ZMYND8: variants seen among roughly 807,000 people sequenced by gnomAD.
The protein encoded by ZMYND8 is zinc finger MYND-type containing 8.
A neutral mutation model predicts 140.8 loss-of-function variants in ZMYND8; 37 were observed. The observed-to-expected ratio is 0.26, with a 90% CI of 0.20 to 0.35. The LOEUF is 0.35. Among genes scored for constraint, ZMYND8 ranks in the 10% least tolerant of loss-of-function variants. The pLI is 1.00. For missense variants in ZMYND8, 1,068 were observed against 1,570.0 expected (o/e 0.68, Z 5.40); for synonymous variants, 592 against 597.1 (o/e 0.99, Z 0.12).
intron 5 of ZMYND8, among the ~76,000 whole-genome samples, chr20:47,294,044 G>A (rs533360024): frequency 1.3e-5 from 2 of 152,194 alleles, no homozygotes; most frequent in South Asian, 2.1e-4. Context: ...GCAGAACTGT[G>A]AGTCAATTAA....
At chr20:47,289,078 T>C (rs4810629) in intron 7 of ZMYND8, among the ~76,000 whole-genome samples, 23,799 of 152,036 alleles carry the variant, frequency 0.16, 1,933 homozygotes, top group African/African-American at 0.21. Flanking sequence ...GTCCAGCCTG[T>C]GCGATTCAGT....
chr20:47,290,414 C>T (rs1601633852), intron 6 of ZMYND8, 140 bp from the exon 7 acceptor site: 1 of 639,050 alleles, frequency 1.6e-6, no homozygotes, highest in South Asian at 2.1e-5. Flanking sequence ...CAAGATGCTT[C>T]TTTTTAACCT....
chr20:47,278,678 A>G (rs2076407187), intron 10 of ZMYND8, among the ~76,000 whole-genome samples: 1 of 152,182 alleles, frequency 6.6e-6, no homozygotes, highest in African/African-American at 2.4e-5. Context: ...GATCTGCTCT[A>G]TCAGAGGGCT....
At chr20:47,341,959 C>T (rs552328341) in intron 2 of ZMYND8, among the ~76,000 whole-genome samples, 18 of 151,112 alleles carry the variant, frequency 1.2e-4, no homozygotes, top group Non-Finnish European at 1.9e-4. Context: ...GCGGAGATCG[C>T]GCCACTGCAC....
chr20:47,280,781 C>T (rs972187411), intron 10 of ZMYND8, among the ~76,000 whole-genome samples: 3 of 152,118 alleles, frequency 2.0e-5, no homozygotes, highest in African/African-American at 7.2e-5. Flanking sequence ...AAATAAAAAA[C>T]AAACTCCTGC....
chr20:47,286,531 G>A (rs1330747569), intron 8 of ZMYND8, among the ~76,000 whole-genome samples: 2 of 152,030 alleles, frequency 1.3e-5, no homozygotes, highest in Non-Finnish European at 2.9e-5. Flanking sequence ...TCTAGATCTA[G>A]ATCTATATAT....
In ZMYND8 at chr20:47,210,618, C is replaced by T. The variant is rs561509419; in HGVS notation, c.*143G>A. The T allele has an allele frequency of 2.9e-5, 40 of 1,371,438 alleles. No individual in the cohort carries two copies. The highest frequency in any genetic ancestry group is 1.6e-4 in the African/African-American group (11 of 69,624). 85.0% of individuals were successfully genotyped at this position (1,371,438 alleles called of 1,614,324 possible). ...GGGTGTCCTGTAGTGTAGCAGCCCCCGCGCCGGGGGCTCAGGCTCAACTGA... is the reference window on the plus strand; with the variant it reads ...GGGTGTCCTGTAGTGTAGCAGCCCCTGCGCCGGGGGCTCAGGCTCAACTGA... On this transcript the variant is annotated 3_prime_UTR_variant, in exon 23 of 23. Transcript: ENST00000471951.
chr20:47,257,474 AAATAC>A (rs2074828883), intron 12 of ZMYND8, among the ~76,000 whole-genome samples: 1 of 151,962 alleles, frequency 6.6e-6, no homozygotes, highest in Non-Finnish European at 1.5e-5. Flanking sequence ...ACACACACGC[AAATAC>A]AACACACACA....
intron 2 of ZMYND8, among the ~76,000 whole-genome samples, chr20:47,324,574 C>T (rs1339138022): frequency 6.6e-6 from 1 of 152,092 alleles, no homozygotes; most frequent in East Asian, 1.9e-4. Flanking sequence ...GCTTAAAACC[C>T]TCAAAGAGCT....
Position 47,252,970 on chromosome 20 carries a change from T to C in ZMYND8, c.1622-3531A>G, listed in dbSNP as rs114277886. ...TAAATATTTCAGGCTTTGCAGGCCA[T>C]ACAGGCTCTGTTGCAAAAGCAGCCA... On this transcript the variant is annotated intron_variant, in intron 12 of 22. Transcript: ENST00000471951. Among the ~76,000 whole-genome samples the C allele has an allele frequency of 8.1e-4, 124 of 152,334 alleles. 2 individuals carry two copies. The highest frequency in any genetic ancestry group is 2.9e-3 in the African/African-American group (122 of 41,582).
intron 2 of ZMYND8, among the ~76,000 whole-genome samples, chr20:47,328,316 A>C (rs1410789787): frequency 1.3e-5 from 2 of 152,138 alleles, no homozygotes; most frequent in Non-Finnish European, 2.9e-5. Context: ...TATAGACAAA[A>C]ACATACCAAA....
chr20:47,310,336 T>G (rs183405795), intron 2 of ZMYND8, 132 bp from the exon 3 acceptor site: 1 of 1,037,824 alleles, frequency 9.6e-7, no homozygotes, highest in East Asian at 2.5e-5. Flanking sequence ...CACTTCAGTG[T>G]TCCTCCTCCC....
intron 2 of ZMYND8, among the ~76,000 whole-genome samples, chr20:47,338,247 C>T (rs114371179): frequency 1.3e-5 from 2 of 152,226 alleles, no homozygotes; most frequent in Non-Finnish European, 2.9e-5. Flanking sequence ...AGGCTCCGGG[C>T]TGGCTCTACT....
intron 4 of ZMYND8, among the ~76,000 whole-genome samples, chr20:47,297,511 A>G (rs1486866831): frequency 6.6e-6 from 1 of 151,940 alleles, no homozygotes; most frequent in African/African-American, 2.4e-5. Flanking sequence ...AGCCTCAACC[A>G]TCTCGGCTCA....
At chr20:47,355,948 C>T (rs6063099) in intron 1 of ZMYND8, among the ~76,000 whole-genome samples, 1 of 151,942 alleles carries the variant, frequency 6.6e-6, no homozygotes, top group Non-Finnish European at 1.5e-5. Flanking sequence ...CTGTAGCAAC[C>T]TAAGTCAGGA....
At position 47,239,000 on chromosome 20, in the gene ZMYND8, G is replaced by A. The variant is rs778381613; in HGVS notation, c.2423C>T (p.Thr808Met). The A allele has an allele frequency of 1.9e-6, 3 of 1,607,568 alleles. No homozygotes were observed. Among genetic ancestry groups the A allele is most frequent in the African/African-American group, 2.7e-5 (2 of 74,808 alleles). Residue 808 changes from threonine to methionine, a missense_variant, in exon 15 of 23, where the codon ACG becomes ATG. Around this residue, in one of 10 missense-constraint regions of ZMYND8, gnomAD observed 383 missense variants for 431.2 expected, o/e 0.89. Transcript: ENST00000471951. ...TCCTGTGGCGGCGGGGGCCGGGGCC[G>A]TGACGGTGACCGTGGAGGACGTGCT... is the stretch of plus-strand genomic sequence containing the variant. ...TTSTSSTVTV[T>M]APAPAATGSP...
intron 19 of ZMYND8, among the ~76,000 whole-genome samples, chr20:47,223,003 T>C (rs2037205616): frequency 6.6e-6 from 1 of 152,220 alleles, no homozygotes; most frequent in Non-Finnish European, 1.5e-5. Context: ...ATATTCACTC[T>C]CGCCCTTCAC....
At chr20:47,289,602 T>C (rs1031113477) in intron 7 of ZMYND8, among the ~76,000 whole-genome samples, 2 of 127,528 alleles carry the variant, frequency 1.6e-5, no homozygotes, top group Non-Finnish European at 3.2e-5. Flanking sequence ...TGGCGGCATA[T>C]TGATCGAATG....
In ZMYND8 at chr20:47,210,210, G is replaced by A. The variant is rs1482381690; in HGVS notation, c.*551C>T. On this transcript the variant is annotated 3_prime_UTR_variant, in exon 23 of 23. Coordinates refer to ENST00000471951, the MANE Select transcript of ZMYND8 (RefSeq NM_001281775.3). ...AGCCAACGGCTTGATGGGATAGTCT[G>A]TGCCGAAACTCCCGATCCCAACATG... 2 of 153,404 alleles carry A rather than the reference G, an allele frequency of 1.3e-5. No homozygotes were observed. The highest frequency in any genetic ancestry group is 2.9e-5 in the Non-Finnish European group (2 of 68,590). 9.5% of individuals were successfully genotyped at this position (153,404 alleles called of 1,614,324 possible). A position where few individuals can be genotyped will look rare whatever the true frequency, so the allele number is the denominator to read the frequency against.
Sources: allele counts gnomAD v4.1 joint callset (sites outside exome capture counted in the v4.1 genomes callset), GRCh38; gene constraint gnomAD v4.1.1; regional missense constraint gnomAD v4.1.1; transcripts MANE v1.5; gene names NCBI Gene and HGNC (gene_info 2026-07-23, HGNC 2026-07-21).